Variants in TASP1 observed in about 807,000 individuals in gnomAD.
TASP1 encodes the protein taspase 1.
A neutral mutation model predicts 56.6 loss-of-function variants in TASP1; 16 were observed. The ratio of observed to expected loss-of-function variants is 0.28; its 90% CI spans 0.19 to 0.43. TASP1 has a LOEUF of 0.43. TASP1 is among the 20% of genes least tolerant of loss of function. TASP1 has a pLI of 1.00. For missense variants in TASP1, 393 were observed against 511.6 expected (o/e 0.77, Z 2.24); for synonymous variants, 179 against 184.2 (o/e 0.97, Z 0.23).
At chr20:13,234,124 C>G in the TASP1 span, among the ~76,000 whole-genome samples, 2 of 152,132 alleles carry the variant, frequency 1.3e-5, no homozygotes, top group Non-Finnish European at 2.9e-5. Context: ...CCCTCCACCT[C>G]CCACCTTTTG....
chr20:13,198,804 T>G, the TASP1 span, among the ~76,000 whole-genome samples: 15 of 39,168 alleles, frequency 3.8e-4, no homozygotes, highest in South Asian at 3.1e-3. Context: ...CTTTCTTTCT[T>G]TCTTTCTTTC....
At chr20:13,325,997 C>T in the TASP1 span, among the ~76,000 whole-genome samples, 1 of 152,176 alleles carries the variant, frequency 6.6e-6, no homozygotes, top group African/African-American at 2.4e-5. Context: ...CTCCCAACTC[C>T]GGGTAACCAC....
At chr20:13,222,527 G>T in the TASP1 span, among the ~76,000 whole-genome samples, 1 of 152,092 alleles carries the variant, frequency 6.6e-6, no homozygotes, top group Non-Finnish European at 1.5e-5. Context: ...CTTGGTCATG[G>T]GGAAGGTGCA....
At chr20:13,401,859 G>T (rs1291316869) in intron 13 of TASP1, among the ~76,000 whole-genome samples, 1 of 152,176 alleles carries the variant, frequency 6.6e-6, no homozygotes, top group East Asian at 1.9e-4. Context: ...TGGCTGGGAA[G>T]ATACATATTT....
At chr20:13,554,188 G>C (rs975411929) in intron 8 of TASP1, among the ~76,000 whole-genome samples, 3 of 152,112 alleles carry the variant, frequency 2.0e-5, no homozygotes. Context: ...AGATATGTTA[G>C]CCCTAGCATC....
chr20:13,595,662 A>G (rs544640916), intron 4 of TASP1, among the ~76,000 whole-genome samples: 33 of 152,360 alleles, frequency 2.2e-4, no homozygotes, highest in African/African-American at 7.9e-4. Context: ...GATCAATTCA[A>G]CAAAAAGAGC....
chr20:13,476,141 A>G (rs1297173705), intron 11 of TASP1, among the ~76,000 whole-genome samples: 2 of 152,106 alleles, frequency 1.3e-5, no homozygotes, highest in Non-Finnish European at 2.9e-5. Flanking sequence ...TAAACAAACA[A>G]ACAAATAAAT....
At chr20:13,350,317 T>C in the TASP1 span, among the ~76,000 whole-genome samples, 1 of 152,202 alleles carries the variant, frequency 6.6e-6, no homozygotes, top group Non-Finnish European at 1.5e-5. Flanking sequence ...TCCCACAAGA[T>C]GATTTAAGGA....
the TASP1 span, chr20:13,221,898 G>A: frequency 1.5e-6 from 2 of 1,378,322 alleles, no homozygotes; most frequent in Admixed American, 3.5e-5. Context: ...GGCAACGCCA[G>A]CCAAGCCCAG....
chr20:13,441,301 G>A (rs2146233138), intron 11 of TASP1, among the ~76,000 whole-genome samples: 1 of 152,288 alleles, frequency 6.6e-6, no homozygotes, highest in South Asian at 2.1e-4. Flanking sequence ...CCAGGCATTG[G>A]GGATACAGAA....
the TASP1 span, among the ~76,000 whole-genome samples, chr20:13,351,171 C>G: frequency 1.3e-5 from 2 of 152,146 alleles, no homozygotes. Context: ...AAAAAATTGA[C>G]AACACCAAGT....
chr20:13,249,518 G>A, the TASP1 span, among the ~76,000 whole-genome samples: 1 of 152,178 alleles, frequency 6.6e-6, no homozygotes, highest in Non-Finnish European at 1.5e-5. Flanking sequence ...TTGGCCCAAA[G>A]GAAACATTTA....
chr20:13,314,298 CCAAAA>C, the TASP1 span, among the ~76,000 whole-genome samples: 1 of 151,350 alleles, frequency 6.6e-6, no homozygotes, highest in African/African-American at 2.4e-5. Flanking sequence ...TGGGATAATG[CCAAAA>C]AGAAAAACCC....
the TASP1 span, among the ~76,000 whole-genome samples, chr20:13,218,067 C>T: frequency 1.3e-5 from 2 of 151,840 alleles, no homozygotes; most frequent in South Asian, 4.2e-4. Flanking sequence ...CTGGCCAATA[C>T]GGTGAAAATC....
chr20:13,350,688 A>C, the TASP1 span, among the ~76,000 whole-genome samples: 3 of 151,860 alleles, frequency 2.0e-5, no homozygotes, highest in East Asian at 5.8e-4. Context: ...TTTTATTTTT[A>C]TATATATATA....
chr20:13,343,833 A>C, the TASP1 span, among the ~76,000 whole-genome samples: 1 of 152,068 alleles, frequency 6.6e-6, no homozygotes. Flanking sequence ...GATCCCAACA[A>C]GTGGAATCTA....
At chr20:13,212,769 G>A in the TASP1 span, among the ~76,000 whole-genome samples, 1 of 152,148 alleles carries the variant, frequency 6.6e-6, no homozygotes, top group South Asian at 2.1e-4. Flanking sequence ...CGCTAAATTT[G>A]CATTCCAAAA....
the TASP1 span, among the ~76,000 whole-genome samples, chr20:13,140,053 A>G: frequency 6.6e-6 from 1 of 152,312 alleles, no homozygotes; most frequent in Non-Finnish European, 1.5e-5. Flanking sequence ...GGAAGCAGAA[A>G]ATAGACCCTG....
the TASP1 span, chr20:13,110,199 T>C: frequency 1.9e-6 from 3 of 1,613,472 alleles, no homozygotes; most frequent in Non-Finnish European, 2.5e-6. Context: ...ATTCTCATCC[T>C]GGTGGAGGGT....
Sources: allele counts gnomAD v4.1 joint callset (sites outside exome capture counted in the v4.1 genomes callset), GRCh38; gene constraint gnomAD v4.1.1; transcripts MANE v1.5; gene names NCBI Gene and HGNC (gene_info 2026-07-23, HGNC 2026-07-21).